CLDN10: variants seen among roughly 807,000 people sequenced by gnomAD.
CLDN10 encodes claudin-10.
CLDN10 carries 15 observed loss-of-function variants against 22.9 expected under a neutral mutation model. The observed-to-expected ratio is 0.65, with a 90% CI of 0.44 to 1.01. The LOEUF (loss-of-function observed/expected upper bound fraction) is 1.01. CLDN10 is among the 50% of genes least tolerant of loss of function. The pLI, the probability that CLDN10 is intolerant of heterozygous loss-of-function variation, is 0.00. For missense variants in CLDN10, 247 were observed against 287.8 expected (o/e 0.86, Z 1.03); for synonymous variants, 114 against 111.4 (o/e 1.02, Z -0.15).
chr13:95,556,238 G>C (rs2389265), intron 1 of CLDN10, among the ~76,000 whole-genome samples: 3 of 151,896 alleles, frequency 2.0e-5, no homozygotes, highest in Non-Finnish European at 4.4e-5. Context: ...TAGAGACAGG[G>C]TTTCACCATG....
intron 1 of CLDN10, among the ~76,000 whole-genome samples, chr13:95,523,788 T>C (rs751828015): frequency 9.2e-5 from 14 of 152,160 alleles, no homozygotes; most frequent in Non-Finnish European, 2.1e-4. Context: ...TTCTTGACTT[T>C]GGCACGCTTT....
upstream of CLDN10, among the ~76,000 whole-genome samples, chr13:95,549,362 G>A (rs1390238220): frequency 6.6e-6 from 1 of 152,128 alleles, no homozygotes; most frequent in Admixed American, 6.5e-5. Flanking sequence ...TCTGTAAATC[G>A]GCTTGCAGAT....
At chr13:95,439,669 C>T (rs2042306393) in intron 1 of CLDN10, among the ~76,000 whole-genome samples, 1 of 151,946 alleles carries the variant, frequency 6.6e-6, no homozygotes, top group Non-Finnish European at 1.5e-5. Context: ...TAATCCTATT[C>T]ATGAGGGCTC....
At chr13:95,475,868 C>G (rs558593318) in intron 1 of CLDN10, among the ~76,000 whole-genome samples, 4 of 152,090 alleles carry the variant, frequency 2.6e-5, no homozygotes, top group African/African-American at 7.2e-5. Context: ...CCCTCTCTCC[C>G]TGTCGGGACT....
intron 1 of CLDN10, among the ~76,000 whole-genome samples, chr13:95,507,258 T>C (rs1051276689): frequency 5.3e-5 from 8 of 152,260 alleles, no homozygotes; most frequent in African/African-American, 1.7e-4. Context: ...AAGGCTCGGG[T>C]AAATTCTACC....
At chr13:95,503,183 G>A (rs549021737) in intron 1 of CLDN10, among the ~76,000 whole-genome samples, 191 of 152,240 alleles carry the variant, frequency 1.3e-3, no homozygotes, top group African/African-American at 4.5e-3. Context: ...TTGATCTCAA[G>A]ACAGAAGCCA....
At chr13:95,482,336 G>T (rs1266755801) in intron 1 of CLDN10, among the ~76,000 whole-genome samples, 1 of 152,172 alleles carries the variant, frequency 6.6e-6, no homozygotes, top group African/African-American at 2.4e-5. Context: ...AAAGTCTGTA[G>T]TTTGTTGACC....
At chr13:95,463,185 CTATCTACCTA>C (rs529267714) in intron 1 of CLDN10, among the ~76,000 whole-genome samples, 5 of 150,164 alleles carry the variant, frequency 3.3e-5, no homozygotes, top group Non-Finnish European at 7.4e-5. Context: ...CAATATCTAA[CTATCTACCTA>C]TCTATCATCT....
At chr13:95,488,438 G>C (rs750198947) in intron 1 of CLDN10, among the ~76,000 whole-genome samples, 4 of 151,830 alleles carry the variant, frequency 2.6e-5, no homozygotes, top group Non-Finnish European at 5.9e-5. Context: ...CTTTAGTGGT[G>C]ATTTGTGAGA....
chr13:95,530,954 T>G (rs1157398047), intron 1 of CLDN10, among the ~76,000 whole-genome samples: 1 of 148,892 alleles, frequency 6.7e-6, no homozygotes, highest in East Asian at 2.0e-4. Flanking sequence ...TGAGATGGAG[T>G]CTCACTCTGT....
In CLDN10 at chr13:95,463,330, CTTTTTTT is replaced by C. The variant is rs869042850; in HGVS notation, c.214+29297_214+29303del. On this transcript the variant is annotated intron_variant, in intron 1 of 4. Transcript: ENST00000376873. ...TATATATATATATATATATATTTGCCTTTTTTTTTTTTTTTTTTTTGAGACAGAGTCT... is the reference window on the plus strand; with the variant it reads ...TATATATATATATATATATATTTGCCTTTTTTTTTTTTTGAGACAGAGTCT... Among the ~76,000 whole-genome samples the C allele has an allele frequency of 1.8e-3, 66 of 37,060 alleles. 2 individuals are homozygous for C. Among genetic ancestry groups the C allele is most frequent in the African/African-American group, 6.6e-3 (60 of 9,070 alleles). The allele number at this position is 37,060 out of a possible 152,430, so 24.3% of individuals were successfully genotyped here.
At chr13:95,499,654 GCC>G (rs1162308718) in intron 1 of CLDN10, among the ~76,000 whole-genome samples, 7 of 152,214 alleles carry the variant, frequency 4.6e-5, no homozygotes, top group African/African-American at 1.4e-4. Context: ...CAGCCCTGCT[GCC>G]AGTGGAGGTG....
chr13:95,523,169 CTA>C (rs1414699187), intron 1 of CLDN10, among the ~76,000 whole-genome samples: 1 of 151,814 alleles, frequency 6.6e-6, no homozygotes, highest in Non-Finnish European at 1.5e-5. Flanking sequence ...GCTTATTATT[CTA>C]TCTTTTTTTG....
chr13:95,547,587 A>C (rs2043522969), intron 1 of CLDN10, among the ~76,000 whole-genome samples: 2 of 152,194 alleles, frequency 1.3e-5, no homozygotes, highest in Admixed American at 6.5e-5. Flanking sequence ...CCTTTGAAAG[A>C]AGCTGTCATT....
chr13:95,464,688 TC>T (rs968038506), intron 1 of CLDN10, among the ~76,000 whole-genome samples: 30 of 152,000 alleles, frequency 2.0e-4, no homozygotes, highest in African/African-American at 7.0e-4. Flanking sequence ...GGTGTACATG[TC>T]CCAGACGCCA....
chr13:95,498,174 G>T (rs1052583160), intron 1 of CLDN10, among the ~76,000 whole-genome samples: 11 of 152,170 alleles, frequency 7.2e-5, no homozygotes, highest in African/African-American at 2.4e-4. Flanking sequence ...CCTTGGAGCT[G>T]CCAGGCAGCC....
At chr13:95,561,817 G>A (rs941639510) in intron 3 of CLDN10, among the ~76,000 whole-genome samples, 2 of 148,486 alleles carry the variant, frequency 1.3e-5, no homozygotes, top group African/African-American at 5.0e-5. Flanking sequence ...TCAGGCTGGA[G>A]TGTGGTGGTG....
chr13:95,436,537 C>T (rs2042273613), intron 1 of CLDN10, among the ~76,000 whole-genome samples: 1 of 152,146 alleles, frequency 6.6e-6, no homozygotes, highest in South Asian at 2.1e-4. Flanking sequence ...ATAATTTATT[C>T]TATCTCCTGT....
chr13:95,464,987 A>C (rs527906366), intron 1 of CLDN10, among the ~76,000 whole-genome samples: 38 of 152,264 alleles, frequency 2.5e-4, no homozygotes, highest in Admixed American at 1.2e-3. Flanking sequence ...TTGGCCTCCC[A>C]AAGTGCTAGG....
Sources: gnomAD v4.1 joint callset for allele counts (sites outside exome capture counted in the v4.1 genomes callset) on GRCh38, gnomAD v4.1.1 for gene constraint, MANE v1.5 for transcripts, NCBI Gene and HGNC (gene_info 2026-07-23, HGNC 2026-07-21) for gene names.